SSBP3: variants seen among roughly 807,000 people sequenced by gnomAD.
SSBP3 encodes single stranded DNA binding protein 3.
A neutral mutation model predicts 69.6 loss-of-function variants in SSBP3; 5 were observed. The observed-to-expected ratio is 0.07, with a 90% CI of 0.04 to 0.15. SSBP3 has a LOEUF of 0.15. Ranked by LOEUF, SSBP3 falls within the 10% of genes least tolerant of loss-of-function variation. The probability of loss-of-function intolerance (pLI) is 1.00; values close to 1 mark genes in which losing one functional copy is unlikely to be tolerated. For missense variants in SSBP3, 312 were observed against 534.0 expected (o/e 0.58, Z 4.10); for synonymous variants, 196 against 193.4 (o/e 1.01, Z -0.11).
At chr1:54,263,690 C>A (rs1645053447) in intron 5 of SSBP3, among the ~76,000 whole-genome samples, 1 of 152,258 alleles carries the variant, frequency 6.6e-6, no homozygotes, top group South Asian at 2.1e-4. Flanking sequence ...AACACAGAAC[C>A]TTTCCTTACT....
At chr1:54,254,297 T>TC (rs1644881916) in intron 7 of SSBP3, among the ~76,000 whole-genome samples, 1 of 152,116 alleles carries the variant, frequency 6.6e-6, no homozygotes, top group Non-Finnish European at 1.5e-5. Flanking sequence ...GCATGCTCTC[T>TC]CACCTGCCCC....
At chr1:54,315,316 C>T (rs945829586) in intron 4 of SSBP3, among the ~76,000 whole-genome samples, 25 of 152,090 alleles carry the variant, frequency 1.6e-4, no homozygotes, top group African/African-American at 5.3e-4. Context: ...TGTTTCCAGC[C>T]GCCGCCTGTC....
chr1:54,298,250 G>C (rs1441157789), intron 4 of SSBP3, among the ~76,000 whole-genome samples: 1 of 152,154 alleles, frequency 6.6e-6, no homozygotes, highest in African/African-American at 2.4e-5. Context: ...AAGCTGATTA[G>C]GTCTGGGGAG....
At position 54,311,342 on chromosome 1, in the gene SSBP3, G is replaced by A. The variant is rs149371944; in HGVS notation, c.277-29815C>T. Among the ~76,000 whole-genome samples the A allele has an allele frequency of 2.7e-3, 414 of 152,274 alleles. 4 individuals carry two copies. Among genetic ancestry groups the A allele is most frequent in the African/African-American group, 9.2e-3 (382 of 41,548 alleles). Reference sequence around the variant, plus strand: ...GGAACAGAAGCCAAGAAGGAGAGAGGCAGCAGTGTGGAGGGTCTGTCATGT... The same window carrying A: ...GGAACAGAAGCCAAGAAGGAGAGAGACAGCAGTGTGGAGGGTCTGTCATGT... On this transcript the variant is annotated intron_variant, in intron 4 of 17. Transcript: ENST00000610401.
At chr1:54,402,472 T>C (rs991787697) in intron 3 of SSBP3, among the ~76,000 whole-genome samples, 9 of 152,162 alleles carry the variant, frequency 5.9e-5, no homozygotes, top group Non-Finnish European at 1.2e-4. Context: ...CAATAGGAAC[T>C]TTACAGGCTC....
intron 4 of SSBP3, among the ~76,000 whole-genome samples, chr1:54,307,416 G>A (rs1645920298): frequency 6.7e-6 from 1 of 149,644 alleles, no homozygotes; most frequent in Admixed American, 6.6e-5. Flanking sequence ...ATGCTGGTCT[G>A]GGCCCAGCAC....
intron 14 of SSBP3, among the ~76,000 whole-genome samples, chr1:54,236,050 T>C (rs916817803): frequency 5.9e-5 from 9 of 152,220 alleles, no homozygotes; most frequent in Non-Finnish European, 2.9e-5. Context: ...TCGGGGCTCC[T>C]TAAGGAGCAT....
At chr1:54,363,462 C>G (rs140098558) in intron 4 of SSBP3, among the ~76,000 whole-genome samples, 1 of 152,210 alleles carries the variant, frequency 6.6e-6, no homozygotes, top group Non-Finnish European at 1.5e-5. Flanking sequence ...AATCAGCAAT[C>G]TGATGCCACA....
At chr1:54,349,435 T>A (rs935792858) in intron 4 of SSBP3, among the ~76,000 whole-genome samples, 1 of 152,248 alleles carries the variant, frequency 6.6e-6, no homozygotes, top group African/African-American at 2.4e-5. Flanking sequence ...AACTGCATGA[T>A]ACACTGACCA....
intron 4 of SSBP3, among the ~76,000 whole-genome samples, chr1:54,395,399 GCCTTAC>G (rs1280286252): frequency 6.6e-6 from 1 of 152,204 alleles, no homozygotes; most frequent in Non-Finnish European, 1.5e-5. Flanking sequence ...TGCCCTCTGG[GCCTTAC>G]CATTTAGCCA....
chr1:54,288,857 A>C (rs1358252030), intron 4 of SSBP3, among the ~76,000 whole-genome samples: 3 of 151,870 alleles, frequency 2.0e-5, no homozygotes, highest in Non-Finnish European at 4.4e-5. Context: ...CTCTACTAAA[A>C]ATACCAAAAA....
At chr1:54,347,370 T>TAA (rs201565456) in intron 4 of SSBP3, among the ~76,000 whole-genome samples, 280 of 140,372 alleles carry the variant, frequency 2.0e-3, no homozygotes, top group African/African-American at 6.9e-3. Flanking sequence ...GTCCCCTTTT[T>TAA]AAAAAAAAAA....
At chr1:54,348,306 GAGAAAA>G (rs1003666313) in intron 4 of SSBP3, among the ~76,000 whole-genome samples, 5 of 144,078 alleles carry the variant, frequency 3.5e-5, no homozygotes, top group African/African-American at 1.0e-4. Context: ...CAGAAAGAAA[GAGAAAA>G]AGGAAAAGGT....
chr1:54,301,646 G>A (rs78309009), intron 4 of SSBP3, among the ~76,000 whole-genome samples: 98 of 152,326 alleles, frequency 6.4e-4, no homozygotes, highest in African/African-American at 2.3e-3. Flanking sequence ...AATGGGAAGG[G>A]GGATGAAAAA....
chr1:54,243,358 G>T, intron 9 of SSBP3, 59 bp from the exon 10 acceptor site: 1 of 1,591,750 alleles, frequency 6.3e-7, no homozygotes, highest in Non-Finnish European at 8.6e-7. Flanking sequence ...CAGGAGGAGG[G>T]AGGAGAAACA....
At chr1:54,232,773 G>A (rs1220598482) in intron 14 of SSBP3, among the ~76,000 whole-genome samples, 3 of 152,216 alleles carry the variant, frequency 2.0e-5, no homozygotes, top group Admixed American at 1.3e-4. Flanking sequence ...TGGTGGAGAC[G>A]GGGTTTCGCT....
intron 4 of SSBP3, among the ~76,000 whole-genome samples, chr1:54,330,292 G>C (rs779757725): frequency 1.3e-4 from 20 of 152,174 alleles, no homozygotes; most frequent in Non-Finnish European, 2.4e-4. Flanking sequence ...GGGCACATGA[G>C]GACTGCTGGT....
At chr1:54,289,679 G>A (rs1645569379) in intron 4 of SSBP3, among the ~76,000 whole-genome samples, 1 of 152,164 alleles carries the variant, frequency 6.6e-6, no homozygotes, top group South Asian at 2.1e-4. Context: ...CAGGACTCGA[G>A]GATGCAGGAG....
intron 4 of SSBP3, among the ~76,000 whole-genome samples, chr1:54,329,825 T>C (rs1343356935): frequency 3.9e-5 from 6 of 152,158 alleles, no homozygotes; most frequent in Non-Finnish European, 5.9e-5. Flanking sequence ...ACAAGCCTGG[T>C]TGGCTGTCCT....
Sources: allele counts gnomAD v4.1 joint callset (sites outside exome capture counted in the v4.1 genomes callset), GRCh38; gene constraint gnomAD v4.1.1; transcripts MANE v1.5; gene names NCBI Gene and HGNC (gene_info 2026-07-23, HGNC 2026-07-21).